Variants in CCDC92 observed in about 807,000 individuals in gnomAD.
CCDC92 encodes the protein coiled-coil domain-containing protein 92.
A neutral mutation model predicts 24.9 loss-of-function variants in CCDC92; 12 were observed. That is an observed-to-expected ratio of 0.48 (90% confidence interval 0.31 to 0.78). The LOEUF (loss-of-function observed/expected upper bound fraction) is 0.78. Among genes scored for constraint, CCDC92 ranks in the 30% least tolerant of loss-of-function variants. The pLI is 0.05. For missense variants in CCDC92, 399 were observed against 439.4 expected (o/e 0.91, Z 0.82); for synonymous variants, 193 against 196.3 (o/e 0.98, Z 0.14).
rs1956520628 is a variant in CCDC92 at position 123,971,186 on chromosome 12, G to T, written c.-60+1343C>A. 2.6e-5 allele frequency among the ~76,000 whole-genome samples: 4 copies of T among 152,312 alleles called. No homozygotes were observed. In the South Asian group the frequency reaches 8.3e-4, roughly 32 times the overall value. ...CTGAGTAATTATAATACGCAGAGGA[G>T]TAACAAAACTATTTTAAGATTTTTC... On this transcript the variant is annotated intron_variant, in intron 1 of 4. Transcript: ENST00000238156.
intron 1 of CCDC92, among the ~76,000 whole-genome samples, chr12:123,959,691 C>G (rs1240543616): frequency 1.3e-5 from 2 of 152,204 alleles, no homozygotes; most frequent in African/African-American, 4.8e-5. Context: ...AGAACTGAGG[C>G]TCAGAGATGT....
chr12:123,944,195 G>A (rs1193058763), intron 2 of CCDC92, 77 bp downstream of exon 2: 2 of 904,428 alleles, frequency 2.2e-6, no homozygotes, highest in Non-Finnish European at 3.7e-6. Context: ...CAGGTGTCTG[G>A]AGTCTGTCCC....
In CCDC92 at chr12:123,937,780, C is replaced by T. The variant is rs1594443453; in HGVS notation, c.274G>A (p.Glu92Lys). The T allele has an allele frequency of 1.2e-6, 2 of 1,613,486 alleles. No homozygotes were observed. The highest frequency in any genetic ancestry group is 1.7e-6 in the Non-Finnish European group (2 of 1,180,004). The change falls in exon 5 of 5, where the codon GAA (glutamate) becomes AAA (lysine). Residue 92 changes from glutamate to lysine, a missense_variant. Physicochemically the swap from Glu to Lys is moderately conservative, Grantham distance 56 (BLOSUM62 1). Transcript: ENST00000238156. This position sits in a 1 kb window ranked among gnomAD's most constrained non-coding sequence, Gnocchi z 8.4. ...TTCTCTTTCACTTTCAGTTGGGCTT[C>T]CAGCTCTTCACATCTTTTCTTTAAT... ...SELKKRCEEL[E>K]AQLKVKENEN...
At chr12:123,968,439 T>G (rs1183051754) in intron 1 of CCDC92, 1 of 152,270 alleles carries the variant, frequency 6.6e-6, no homozygotes. Flanking sequence ...ACTTGCCTTA[T>G]TTGCTAATTT....
intron 4 of CCDC92, among the ~76,000 whole-genome samples, chr12:123,941,480 G>A (rs1955682301): frequency 1.3e-5 from 2 of 152,226 alleles, no homozygotes; most frequent in South Asian, 4.1e-4. Context: ...AGGCTTGGTG[G>A]AAATGGTCTG....
Position 123,937,424 on chromosome 12 carries a change from G to A in CCDC92, c.630C>T (p.Leu210=), listed in dbSNP as rs757733147. 2.1e-5 allele frequency: 34 copies of A among 1,613,732 alleles called. No homozygotes were observed. In the Admixed American group the frequency reaches 5.3e-4, roughly 25 times the overall value. ...ETPRRRMKKS[L]SAPLHPEFEE... ...CAAATTCCGGGTGCAAGGGGGCTGAGAGGCTCTTTTTCATGCGGCGGCGAG... is the reference window on the plus strand; with the variant it reads ...CAAATTCCGGGTGCAAGGGGGCTGAAAGGCTCTTTTTCATGCGGCGGCGAG... The change falls in exon 5 of 5, where the codon CTC becomes CTT. Residue 210 remains leucine (L), a synonymous_variant. Transcript: ENST00000238156. The surrounding 1 kb of genome is among the most constrained non-coding windows in gnomAD (Gnocchi z 8.4).
chr12:123,947,653 G>A (rs564251107), intron 1 of CCDC92, among the ~76,000 whole-genome samples: 1 of 152,086 alleles, frequency 6.6e-6, no homozygotes, highest in East Asian at 1.9e-4. Flanking sequence ...TGGGGAGGTG[G>A]TGAACCTTTG....
At chr12:123,955,409 T>C (rs1031601643) in intron 1 of CCDC92, among the ~76,000 whole-genome samples, 4 of 152,224 alleles carry the variant, frequency 2.6e-5, no homozygotes, top group East Asian at 1.9e-4. Flanking sequence ...TCATCATTCA[T>C]CCTAATGAAA....
At chr12:123,953,204 T>G (rs964616667) in intron 1 of CCDC92, among the ~76,000 whole-genome samples, 1 of 147,448 alleles carries the variant, frequency 6.8e-6, no homozygotes, top group African/African-American at 2.5e-5. Flanking sequence ...AATAGGCACA[T>G]CTCTAAAAGC....
chr12:123,959,054 C>T (rs919913247), intron 1 of CCDC92, among the ~76,000 whole-genome samples: 5 of 152,196 alleles, frequency 3.3e-5, no homozygotes, highest in African/African-American at 1.2e-4. Flanking sequence ...GGATTAACCC[C>T]CAGGCTCTGG....
In CCDC92 at chr12:123,937,007, C is replaced by G; in HGVS notation, c.*51G>C. On this transcript the variant is annotated 3_prime_UTR_variant, in exon 5 of 5. Transcript: ENST00000238156. This position sits in a 1 kb window ranked among gnomAD's most constrained non-coding sequence, Gnocchi z 8.4. Reference sequence around the variant, plus strand: ...AACAGAAAAGGTGTGGCTGAGATTTCCCAGTGGTGCTCACAGTGCATGGAC... The same window carrying G: ...AACAGAAAAGGTGTGGCTGAGATTTGCCAGTGGTGCTCACAGTGCATGGAC... 1 of 1,599,704 alleles carries G rather than the reference C, an allele frequency of 6.3e-7. No individual in the cohort carries two copies. The highest frequency in any genetic ancestry group is 1.1e-5 in the South Asian group (1 of 89,960).
intron 1 of CCDC92, chr12:123,961,260 G>GC (rs1956266076): frequency 6.6e-6 from 1 of 152,182 alleles, no homozygotes; most frequent in South Asian, 2.1e-4. Context: ...AATTATTGTA[G>GC]CATTCCTGGT....
chr12:123,938,866 T>A (rs1955603486), intron 4 of CCDC92, among the ~76,000 whole-genome samples: 1 of 152,076 alleles, frequency 6.6e-6, no homozygotes, highest in African/African-American at 2.4e-5. Context: ...TGACTGTGCC[T>A]TTCTGCTGGC....
chr12:123,937,570 G>A lies in CCDC92; in HGVS notation c.484C>T (p.Leu162=). The A allele has an allele frequency of 3.1e-6, 5 of 1,613,110 alleles. No homozygotes were observed. The African/African-American group carries it at 4.0e-5, about 13-fold the overall frequency. Residue 162 remains leucine, a synonymous_variant, in exon 5 of 5, where the codon CTG becomes TTG. Transcript: ENST00000238156. The surrounding 1 kb of genome is among the most constrained non-coding windows in gnomAD (Gnocchi z 8.4). ...ASTIAYLTSQ[L]HAAKKKLMSS... ...ATGAGCTTCTTCTTGGCGGCGTGCA[G>A]CTGGGAGGTCAGGTAGGCGATGGTG...
intron 1 of CCDC92, among the ~76,000 whole-genome samples, chr12:123,963,375 C>G (rs1298552178): frequency 1.3e-5 from 2 of 152,184 alleles, no homozygotes; most frequent in Non-Finnish European, 2.9e-5. Flanking sequence ...GCTGCTAACT[C>G]TGGAGAAAAA....
chr12:123,954,456 T>A (rs539713694), intron 1 of CCDC92, among the ~76,000 whole-genome samples: 1 of 152,356 alleles, frequency 6.6e-6, no homozygotes, highest in African/African-American at 2.4e-5. Flanking sequence ...TGGATGTGAT[T>A]AGAGAGCCTG....
At position 123,944,345 on chromosome 12, in the gene CCDC92, T is replaced by C. The variant is rs190164771; in HGVS notation, c.-40A>G. On this transcript the variant is annotated 5_prime_UTR_variant, in exon 2 of 5. Transcript: ENST00000238156. ...AAGCTACCAGAGTAATTCAAGACGCTTGTACAGCACTGAAAAATACTGAGG... is the reference window on the plus strand; with the variant it reads ...AAGCTACCAGAGTAATTCAAGACGCCTGTACAGCACTGAAAAATACTGAGG... The C allele has an allele frequency of 3.0e-4, 454 of 1,526,206 alleles. 1 individual carries two copies. Among genetic ancestry groups the C allele is most frequent in the African/African-American group, 2.0e-3 (141 of 69,874 alleles). 94.5% of individuals were successfully genotyped at this position (1,526,206 alleles called of 1,614,324 possible).
chr12:123,943,717 G>A, intron 2 of CCDC92: 1 of 595,278 alleles, frequency 1.7e-6, no homozygotes, highest in Non-Finnish European at 3.0e-6. Context: ...GCCTTGGGGT[G>A]TGCCCTAGCA....
At chr12:123,962,851 T>G (rs1594504961) in intron 1 of CCDC92, 1 of 151,206 alleles carries the variant, frequency 6.6e-6, no homozygotes, top group Non-Finnish European at 1.5e-5. Context: ...AAGATATAGG[T>G]TTTTTTTTAA....
Sources: gnomAD v4.1 joint callset for allele counts (sites outside exome capture counted in the v4.1 genomes callset) on GRCh38, gnomAD v4.1.1 for gene constraint, Gnocchi (gnomAD v3.1) non-coding constraint, MANE v1.5 for transcripts, NCBI Gene and HGNC (gene_info 2026-07-23, HGNC 2026-07-21) for gene names.